The following UBE2E1 variants were observed in gnomAD, a reference collection of about 807,000 sequenced individuals.
UBE2E1 encodes ubiquitin conjugating enzyme E2 E1, also known as ubiquitin-conjugating enzyme E2 E1.
In UBE2E1, 6 loss-of-function variants were observed where a neutral mutation model predicts 21.4. The ratio of observed to expected loss-of-function variants is 0.28; its 90% CI spans 0.15 to 0.55. The LOEUF (loss-of-function observed/expected upper bound fraction) is 0.55, where lower values mean the gene tolerates loss of function less well. Ranked by LOEUF, UBE2E1 falls within the 20% of genes least tolerant of loss-of-function variation. The pLI is 0.93. For missense variants in UBE2E1, 142 were observed against 236.5 expected (o/e 0.60, Z 2.62); for synonymous variants, 87 against 82.7 (o/e 1.05, Z -0.28).
chr3:23,889,746 T>A, intron 5 of UBE2E1: 11 of 985,366 alleles, frequency 1.1e-5, no homozygotes, highest in Non-Finnish European at 1.2e-5. Flanking sequence ...GGACTTCATT[T>A]CATTTAAAAA....
chr3:23,833,917 G>T (rs1350997178), intron 3 of UBE2E1, among the ~76,000 whole-genome samples: 1 of 152,106 alleles, frequency 6.6e-6, no homozygotes, highest in Non-Finnish European at 1.5e-5. Context: ...AGGATCACTT[G>T]AGCCCGACAG....
At chr3:23,811,335 T>A in intron 2 of UBE2E1, 125 bp from the exon 3 acceptor site, 1 of 860,612 alleles carries the variant, frequency 1.2e-6, no homozygotes, top group Non-Finnish European at 1.9e-6. Context: ...GATGTGTAGT[T>A]CCTCTTTGCC....
rs1575797559 is a variant in UBE2E1, at chr3:23,810,745, C to G, written c.153-715C>G. The G allele has an allele frequency of 6.3e-6, 2 of 317,856 alleles. No homozygotes were observed. The highest frequency in any genetic ancestry group is 5.1e-5 in the Admixed American group (1 of 19,578). The allele number at this position is 317,856 out of a possible 1,614,324, so 19.7% of individuals were successfully genotyped here. On this transcript the variant is annotated intron_variant, in intron 2 of 5. Coordinates refer to ENST00000306627, the MANE Select transcript of UBE2E1 (RefSeq NM_003341.5). This position sits in a 1 kb window ranked among gnomAD's most constrained non-coding sequence, Gnocchi z 5.8. ...GCGGAGCAGCCCCCGTGCGGGCACC[C>G]TGTTCCCCTCCCCCGCCCGCAACTT...
At chr3:23,888,398 C>T (rs1701245329) in intron 4 of UBE2E1, 1 of 348,188 alleles carries the variant, frequency 2.9e-6, no homozygotes, top group African/African-American at 2.2e-5. Flanking sequence ...AATCGAAAGT[C>T]ACTTTTTTAA....
In UBE2E1 at chr3:23,810,190, A is replaced by T. The variant is rs1253818127; in HGVS notation, c.153-1270A>T. On this transcript the variant is annotated intron_variant, in intron 2 of 5. Transcript: ENST00000306627. The surrounding 1 kb of genome is among the most constrained non-coding windows in gnomAD (Gnocchi z 5.8). ...CAGTGCTGCCTCGGTGAGATTTTTA[A>T]GTTGTAACATAGCCCCATTGGGCTT... Among the ~76,000 whole-genome samples, 1 of 152,166 alleles carries T rather than the reference A, an allele frequency of 6.6e-6. No individual in the cohort carries two copies. The highest frequency in any genetic ancestry group is 1.5e-5 in the Non-Finnish European group (1 of 68,036).
intron 3 of UBE2E1, among the ~76,000 whole-genome samples, chr3:23,880,492 A>G (rs892321582): frequency 5.3e-5 from 8 of 152,252 alleles, no homozygotes; most frequent in Admixed American, 1.3e-4. Flanking sequence ...ACTTGAGCCC[A>G]GGAAGTCAAG....
At chr3:23,846,299 A>G (rs544049367) in intron 3 of UBE2E1, among the ~76,000 whole-genome samples, 5 of 152,182 alleles carry the variant, frequency 3.3e-5, no homozygotes, top group Non-Finnish European at 7.4e-5. Context: ...GCAGTGGCCC[A>G]TTCCTGTAGT....
chr3:23,826,701 T>C (rs1242004044), intron 3 of UBE2E1, among the ~76,000 whole-genome samples: 1 of 152,208 alleles, frequency 6.6e-6, no homozygotes, highest in Non-Finnish European at 1.5e-5. Flanking sequence ...GTAGATACTT[T>C]TGTGGAGTTG....
rs940935790 is a variant in UBE2E1 at position 23,816,598 on chromosome 3, T to G, written c.203+5088T>G. ...GGCGGGCACCTGTAGTCCCAGCTAC[T>G]CAGGAGGCTGAGGCAGGAGAATGGT... On this transcript the variant is annotated intron_variant, in intron 3 of 5. Coordinates refer to ENST00000306627, the MANE Select transcript of UBE2E1 (RefSeq NM_003341.5). The surrounding 1 kb of genome is among the most constrained non-coding windows in gnomAD (Gnocchi z 4.8). Among the ~76,000 whole-genome samples, 4 of 152,034 alleles carry G rather than the reference T, an allele frequency of 2.6e-5. No homozygotes were observed. Among genetic ancestry groups the G allele is most frequent in the Admixed American group, 1.3e-4 (2 of 15,274 alleles).
chr3:23,839,478 A>G (rs1216708060), intron 3 of UBE2E1, among the ~76,000 whole-genome samples: 1 of 151,254 alleles, frequency 6.6e-6, no homozygotes, highest in Non-Finnish European at 1.5e-5. Context: ...AAAGAAAATA[A>G]TAATAATAAT....
At chr3:23,859,999 G>A (rs1187144422) in intron 3 of UBE2E1, among the ~76,000 whole-genome samples, 1 of 152,180 alleles carries the variant, frequency 6.6e-6, no homozygotes, top group Admixed American at 6.5e-5. Flanking sequence ...TTTTGAAGAA[G>A]CAGTTCAGAA....
chr3:23,889,050 T>G, intron 4 of UBE2E1, 62 bp from the exon 5 acceptor site: 1 of 1,512,018 alleles, frequency 6.6e-7, no homozygotes, highest in Non-Finnish European at 8.9e-7. Context: ...GGTCATTCAG[T>G]TGAATATTTA....
intron 3 of UBE2E1, among the ~76,000 whole-genome samples, chr3:23,864,185 G>A (rs114642821): frequency 0.016 from 2,431 of 152,256 alleles, 35 homozygotes; most frequent in African/African-American, 0.035. Context: ...CATTGCTTCA[G>A]TGCCAGCTTA....
In UBE2E1 at chr3:23,853,198, A is replaced by C. The variant is rs1241397576; in HGVS notation, c.204-34369A>C. On this transcript the variant is annotated intron_variant, in intron 3 of 5. Transcript: ENST00000306627. The surrounding 1 kb of genome is among the most constrained non-coding windows in gnomAD (Gnocchi z 4.1). The stretch of plus-strand genomic sequence containing the variant: ...GTGAGCCACCGCGCCCAGCTGCCTT[A>C]TTTCTTTTTCTTGCTGTAATTCACC... Among the ~76,000 whole-genome samples, 3 of 152,172 alleles carry C rather than the reference A, an allele frequency of 2.0e-5. No individual in the cohort carries two copies. Among genetic ancestry groups the C allele is most frequent in the African/African-American group, 4.8e-5 (2 of 41,446 alleles).
intron 3 of UBE2E1, among the ~76,000 whole-genome samples, chr3:23,872,473 GGTTAA>G (rs1575032068): frequency 6.6e-6 from 1 of 152,098 alleles, no homozygotes; most frequent in East Asian, 1.9e-4. Flanking sequence ...TTATTTTAAT[GGTTAA>G]CCAATTACAC....
rs1699569615 is a variant in UBE2E1 at position 23,818,191 on chromosome 3, T to C, written c.203+6681T>C. Reference sequence around the variant, plus strand: ...TTGGTGGTGCATTAACAGAAATAAATAAGGCAGGAGGATGAACTGGCTTGA... The same window carrying C: ...TTGGTGGTGCATTAACAGAAATAAACAAGGCAGGAGGATGAACTGGCTTGA... On this transcript the variant is annotated intron_variant, in intron 3 of 5. Transcript: ENST00000306627. Among the ~76,000 whole-genome samples, 2 of 152,156 alleles carry C rather than the reference T, an allele frequency of 1.3e-5. 1 individual carries two copies. Among genetic ancestry groups the C allele is most frequent in the South Asian group, 4.1e-4 (2 of 4,832 alleles).
chr3:23,817,893 T>C lies in UBE2E1; in HGVS notation c.203+6383T>C, dbSNP rs142187201. Among the ~76,000 whole-genome samples, 189 of 152,322 alleles carry C rather than the reference T, an allele frequency of 1.2e-3. 1 individual carries two copies. The highest frequency in any genetic ancestry group is 4.1e-3 in the African/African-American group (172 of 41,578). ...TATTATGTAGATGCTGGAGAATCAT[T>C]AAAAACCTTTTGAGTAGGGGCTGTC... is the stretch of plus-strand genomic sequence containing the variant. On this transcript the variant is annotated intron_variant, in intron 3 of 5. Coordinates refer to ENST00000306627, the MANE Select transcript of UBE2E1 (RefSeq NM_003341.5).
At chr3:23,851,568 C>G (rs1700325378) in intron 3 of UBE2E1, among the ~76,000 whole-genome samples, 1 of 151,990 alleles carries the variant, frequency 6.6e-6, no homozygotes, top group South Asian at 2.1e-4. Flanking sequence ...CTTTGAGAGA[C>G]CAAGGTGGAA....
At chr3:23,866,675 TATC>T (rs1318098979) in intron 3 of UBE2E1, among the ~76,000 whole-genome samples, 2 of 143,490 alleles carry the variant, frequency 1.4e-5, no homozygotes, top group Admixed American at 7.1e-5. Flanking sequence ...GTCACATTAT[TATC>T]GAAATTCCTC....
Sources: gnomAD v4.1 joint callset for allele counts (sites outside exome capture counted in the v4.1 genomes callset) on GRCh38, gnomAD v4.1.1 for gene constraint, Gnocchi (gnomAD v3.1) non-coding constraint, MANE v1.5 for transcripts, NCBI Gene and HGNC (gene_info 2026-07-23, HGNC 2026-07-21) for gene names.